The following TNFRSF10C variants were observed in gnomAD, a reference collection of about 807,000 sequenced individuals.
The protein encoded by TNFRSF10C is tumor necrosis factor receptor superfamily member 10C.
In TNFRSF10C, 17 loss-of-function variants were observed where a neutral mutation model predicts 16.7. The ratio of observed to expected loss-of-function variants is 1.02; its 90% CI spans 0.70 to 1.53. The LOEUF (loss-of-function observed/expected upper bound fraction) is 1.53, where lower values mean the gene tolerates loss of function less well. TNFRSF10C is among the 40% of genes most tolerant of loss of function. TNFRSF10C has a pLI of 0.00. For missense variants in TNFRSF10C, 237 were observed against 329.7 expected (o/e 0.72, Z 2.18); for synonymous variants, 73 against 119.7 (o/e 0.61, Z 2.55).
intron 1 of TNFRSF10C, among the ~76,000 whole-genome samples, chr8:23,109,606 C>T (rs1370825465): frequency 2.7e-5 from 4 of 149,782 alleles, no homozygotes; most frequent in South Asian, 2.1e-4. Flanking sequence ...CACTGCACTC[C>T]GGCCTGGGAG....
intron 2 of TNFRSF10C, among the ~76,000 whole-genome samples, chr8:23,112,721 A>C (rs574325035): frequency 1.3e-5 from 2 of 152,340 alleles, no homozygotes; most frequent in South Asian, 4.1e-4. Flanking sequence ...TCATCCATCC[A>C]TGGACACGTA....
chr8:23,115,886 T>C (rs73222550), intron 4 of TNFRSF10C, among the ~76,000 whole-genome samples: 12,199 of 152,278 alleles, frequency 0.08, 806 homozygotes, highest in East Asian at 0.31. Flanking sequence ...GAAGCAACTT[T>C]CTGGATCCCT....
intron 1 of TNFRSF10C, among the ~76,000 whole-genome samples, chr8:23,111,165 G>A (rs1182641799): frequency 6.6e-6 from 1 of 151,596 alleles, no homozygotes; most frequent in African/African-American, 2.4e-5. Flanking sequence ...GTAAATTTAT[G>A]TTATAATATG....
In TNFRSF10C at chr8:23,103,307, C is replaced by G. The variant is rs1189956697; in HGVS notation, c.60+126C>G. ...TGCGGCCGGGCATGTCCGGGCAGGA[C>G]GAACTCGCCGTCGGAGTCAGGGGAA... is the stretch of plus-strand genomic sequence containing the variant. On this transcript the variant is annotated intron_variant, in intron 1 of 4. Transcript: ENST00000356864. The G allele has an allele frequency of 3.4e-6, 5 of 1,490,382 alleles. No individual in the cohort carries two copies. The Admixed American group carries it at 9.9e-5, about 29-fold the overall frequency. 92.3% of individuals were successfully genotyped at this position (1,490,382 alleles called of 1,614,324 possible).
Position 23,117,043 on chromosome 8 carries a change from G to A in TNFRSF10C, c.*12G>A. 7 of 1,611,442 alleles carry A rather than the reference G, an allele frequency of 4.3e-6. No homozygotes were observed. The highest frequency in any genetic ancestry group is 5.9e-6 in the Non-Finnish European group (7 of 1,178,488). ...TTGTGTTTGTTTGAAAGACTTCACTGTGGAAGAAATTCCTTCCTTACCTGA... is the reference window on the plus strand; with the variant it reads ...TTGTGTTTGTTTGAAAGACTTCACTATGGAAGAAATTCCTTCCTTACCTGA... On this transcript the variant is annotated 3_prime_UTR_variant, in exon 5 of 5. Coordinates refer to ENST00000356864, the MANE Select transcript of TNFRSF10C (RefSeq NM_003841.5).
At position 23,103,102 on chromosome 8, in the gene TNFRSF10C, A is replaced by G; in HGVS notation, c.-20A>G. ...GGCAGGGTGCGACCCAGGACCCAGG[A>G]CGGCGTCGGGAACCATACCATGGCC... On this transcript the variant is annotated 5_prime_UTR_variant, in exon 1 of 5. Coordinates refer to ENST00000356864, the MANE Select transcript of TNFRSF10C (RefSeq NM_003841.5). 1.2e-6 allele frequency: 2 copies of G among 1,607,888 alleles called. No individual in the cohort carries two copies. Among genetic ancestry groups the G allele is most frequent in the Non-Finnish European group, 1.7e-6 (2 of 1,177,636 alleles).
Position 23,103,197 on chromosome 8 carries a change from G to C in TNFRSF10C, c.60+16G>C, listed in dbSNP as rs374416537. ...CCTGCTGCCAGTGAGTCCCGGCCGCGGTCCCTGGCTGGGGAAGAGCGCACC... is the reference window on the plus strand; with the variant it reads ...CCTGCTGCCAGTGAGTCCCGGCCGCCGTCCCTGGCTGGGGAAGAGCGCACC... On this transcript the variant is annotated intron_variant, in intron 1 of 4. Transcript: ENST00000356864. 2.5e-6 allele frequency: 4 copies of C among 1,605,782 alleles called. No individual in the cohort carries two copies. The highest frequency in any genetic ancestry group is 2.7e-5 in the African/African-American group (2 of 74,860).
In TNFRSF10C at chr8:23,117,242, C is replaced by A; in HGVS notation, c.*211C>A. On this transcript the variant is annotated 3_prime_UTR_variant, in exon 5 of 5. Transcript: ENST00000356864. ...TCCCATCCCCACATCCCGTGCACCCCCCAGGACCCTGGTCTCATCAGTCCC... is the reference window on the plus strand; with the variant it reads ...TCCCATCCCCACATCCCGTGCACCCACCAGGACCCTGGTCTCATCAGTCCC... The A allele has an allele frequency of 1.4e-6, 1 of 734,404 alleles. No individual in the cohort carries two copies. 45.5% of individuals were successfully genotyped at this position (734,404 alleles called of 1,614,324 possible).
Position 23,110,069 on chromosome 8 carries a change from CAAAAAA to C in TNFRSF10C, c.61-1630_61-1625del, listed in dbSNP as rs56263402. The stretch of plus-strand genomic sequence containing the variant: ...GGAGGACAGAGGGAGACCCTGTCTC[CAAAAAA>C]AAAAAAAAAAAAAAAAAAAAGACAA... On this transcript the variant is annotated intron_variant, in intron 1 of 4. Transcript: ENST00000356864. Among the ~76,000 whole-genome samples, 88 of 39,652 alleles carry C rather than the reference CAAAAAA, an allele frequency of 2.2e-3. 1 individual carries two copies. The highest frequency in any genetic ancestry group is 9.9e-3 in the African/African-American group (78 of 7,878). The allele number at this position is 39,652 out of a possible 152,430, so 26.0% of individuals were successfully genotyped here.
At chr8:23,113,487 T>C (rs918468087) in intron 2 of TNFRSF10C, among the ~76,000 whole-genome samples, 1 of 152,246 alleles carries the variant, frequency 6.6e-6, no homozygotes, top group Non-Finnish European at 1.5e-5. Context: ...TGATGTGAGA[T>C]AAAGGTCTTA....
At position 23,117,333 on chromosome 8, in the gene TNFRSF10C, A is replaced by T. The variant is rs1256022509; in HGVS notation, c.*302A>T. ...CAAGAGGGCAGGGCCAGTTCCTCCC[A>T]TCTTCAGGCCCAGCCAGGCAGGGGG... On this transcript the variant is annotated 3_prime_UTR_variant, in exon 5 of 5. Coordinates refer to ENST00000356864, the MANE Select transcript of TNFRSF10C (RefSeq NM_003841.5). The T allele has an allele frequency of 2.1e-6, 1 of 476,344 alleles. No homozygotes were observed. The highest frequency in any genetic ancestry group is 1.9e-5 in the African/African-American group (1 of 51,852). The allele number at this position is 476,344 out of a possible 1,614,324, so 29.5% of individuals were successfully genotyped here.
At chr8:23,106,382 G>A (rs537195628) in intron 1 of TNFRSF10C, among the ~76,000 whole-genome samples, 38 of 152,122 alleles carry the variant, frequency 2.5e-4, no homozygotes, top group African/African-American at 8.0e-4. Context: ...CACCATTGAG[G>A]GTCAGGGAGG....
chr8:23,116,393 A>C (rs1014391144), intron 4 of TNFRSF10C, among the ~76,000 whole-genome samples: 2 of 152,070 alleles, frequency 1.3e-5, no homozygotes, highest in African/African-American at 2.4e-5. Flanking sequence ...AGCCCAGGGA[A>C]GCTCAGTGTG....
rs772651288 is a variant in TNFRSF10C, at chr8:23,103,319, C to A, written c.60+138C>A. The A allele has an allele frequency of 9.6e-6, 14 of 1,457,044 alleles. No individual in the cohort carries two copies. The South Asian group carries it at 1.6e-4, about 17-fold the overall frequency. The allele number at this position is 1,457,044 out of a possible 1,614,324, so 90.3% of individuals were successfully genotyped here. A position where few individuals can be genotyped will look rare whatever the true frequency, so the allele number is the denominator to read the frequency against. On this transcript the variant is annotated intron_variant, in intron 1 of 4. Coordinates refer to ENST00000356864, the MANE Select transcript of TNFRSF10C (RefSeq NM_003841.5). ...TGTCCGGGCAGGACGAACTCGCCGT[C>A]GGAGTCAGGGGAAGAACTGGGTCCC...
At chr8:23,107,805 G>A (rs1220917022) in intron 1 of TNFRSF10C, among the ~76,000 whole-genome samples, 1 of 152,194 alleles carries the variant, frequency 6.6e-6, no homozygotes, top group Non-Finnish European at 1.5e-5. Context: ...GAAATGTTTG[G>A]AAGGGCTGAG....
intron 1 of TNFRSF10C, among the ~76,000 whole-genome samples, chr8:23,103,834 G>C (rs115448886): frequency 0.019 from 2,891 of 152,288 alleles, 75 homozygotes; most frequent in African/African-American, 0.061. Flanking sequence ...GTAGTAGTGT[G>C]AGTGCAAGGA....
In TNFRSF10C at chr8:23,117,232, C is replaced by A; in HGVS notation, c.*201C>A. 1.3e-6 allele frequency: 1 copy of A among 779,882 alleles called. No homozygotes were observed. Among genetic ancestry groups the A allele is most frequent in the Non-Finnish European group, 2.0e-6 (1 of 499,892 alleles). The allele number at this position is 779,882 out of a possible 1,614,324, so 48.3% of individuals were successfully genotyped here. ...CTTGTGATCGTCCCATCCCCACATCCCGTGCACCCCCCAGGACCCTGGTCT... is the reference window on the plus strand; with the variant it reads ...CTTGTGATCGTCCCATCCCCACATCACGTGCACCCCCCAGGACCCTGGTCT... On this transcript the variant is annotated 3_prime_UTR_variant, in exon 5 of 5. Coordinates refer to ENST00000356864, the MANE Select transcript of TNFRSF10C (RefSeq NM_003841.5).
intron 1 of TNFRSF10C, among the ~76,000 whole-genome samples, chr8:23,111,231 T>TA (rs1563343833): frequency 2.0e-5 from 3 of 151,908 alleles, no homozygotes; most frequent in African/African-American, 7.3e-5. Context: ...TTTTTTTTTT[T>TA]ATTTGAGATG....
At chr8:23,104,986 G>T (rs1258752914) in intron 1 of TNFRSF10C, among the ~76,000 whole-genome samples, 7 of 152,146 alleles carry the variant, frequency 4.6e-5, no homozygotes, top group African/African-American at 1.7e-4. Flanking sequence ...GATGAGCCTG[G>T]AGCTGAGTTC....
Sources: allele counts gnomAD v4.1 joint callset (sites outside exome capture counted in the v4.1 genomes callset), GRCh38; gene constraint gnomAD v4.1.1; transcripts MANE v1.5; gene names NCBI Gene and HGNC (gene_info 2026-07-23, HGNC 2026-07-21).